The following SCD5 variants were observed in gnomAD, a reference collection of about 807,000 sequenced individuals.
SCD5 encodes acyl-CoA-desaturase 4.
SCD5 carries 20 observed loss-of-function variants against 30.4 expected under a neutral mutation model. The observed-to-expected ratio is 0.66, with a 90% CI of 0.46 to 0.96. The LOEUF is 0.96. Among genes scored for constraint, SCD5 ranks in the 40% least tolerant of loss-of-function variants. The pLI is 0.00. For missense variants in SCD5, 381 were observed against 443.3 expected (o/e 0.86, Z 1.26); for synonymous variants, 173 against 176.4 (o/e 0.98, Z 0.16).
intron 3 of SCD5, among the ~76,000 whole-genome samples, chr4:82,639,982 T>C (rs1013269439): frequency 3.3e-5 from 5 of 152,212 alleles, no homozygotes; most frequent in African/African-American, 7.2e-5. Context: ...TCTCTCTGAA[T>C]GCTTGCAGCA....
At chr4:82,733,349 C>T (rs1385346612) in intron 1 of SCD5, among the ~76,000 whole-genome samples, 2 of 152,182 alleles carry the variant, frequency 1.3e-5, no homozygotes, top group East Asian at 3.9e-4. Flanking sequence ...CAGTGGCCCA[C>T]AGCCTGCACT....
intron 3 of SCD5, among the ~76,000 whole-genome samples, chr4:82,665,509 C>A (rs1246904624): frequency 6.6e-6 from 1 of 151,840 alleles, no homozygotes; most frequent in East Asian, 1.9e-4. Flanking sequence ...TGATACAAAT[C>A]AAAAATTATG....
intron 3 of SCD5, among the ~76,000 whole-genome samples, chr4:82,661,386 C>T (rs766380024): frequency 6.6e-6 from 1 of 152,224 alleles, no homozygotes; most frequent in East Asian, 1.9e-4. Flanking sequence ...AATATTTCCA[C>T]TTCAACTGTC....
chr4:82,719,896 G>A (rs2148831872), intron 1 of SCD5, among the ~76,000 whole-genome samples: 1 of 151,526 alleles, frequency 6.6e-6, no homozygotes, highest in Admixed American at 6.6e-5. Context: ...CAGCCTCCTG[G>A]GTTTAAGCGA....
chr4:82,702,950 CT>C (rs1167683793), intron 2 of SCD5, among the ~76,000 whole-genome samples: 1 of 152,164 alleles, frequency 6.6e-6, no homozygotes, highest in Admixed American at 6.5e-5. Context: ...GAAACTGGCC[CT>C]AATCTGATCT....
intron 1 of SCD5, among the ~76,000 whole-genome samples, chr4:82,759,566 G>A (rs190807569): frequency 2.7e-5 from 4 of 150,894 alleles, no homozygotes; most frequent in Admixed American, 6.6e-5. Context: ...CTTAGTCCCA[G>A]CTGCTCAGGA....
chr4:82,682,291 G>A (rs1728593837), intron 2 of SCD5, among the ~76,000 whole-genome samples: 1 of 152,142 alleles, frequency 6.6e-6, no homozygotes, highest in African/African-American at 2.4e-5. Context: ...GGGTGTCAGG[G>A]GCTGAGCTAT....
chr4:82,711,978 T>C (rs991676194), intron 1 of SCD5, among the ~76,000 whole-genome samples: 1 of 151,810 alleles, frequency 6.6e-6, no homozygotes, highest in Non-Finnish European at 1.5e-5. Flanking sequence ...CATTTTCATG[T>C]GCCCTATAAT....
chr4:82,697,911 C>T (rs924976349), intron 2 of SCD5: 13 of 436,582 alleles, frequency 3.0e-5, no homozygotes, highest in African/African-American at 1.4e-4. Flanking sequence ...TGCTTAGAGA[C>T]GACCAAGCTA....
At chr4:82,635,338 G>A (rs945059738) in intron 4 of SCD5, among the ~76,000 whole-genome samples, 14 of 152,128 alleles carry the variant, frequency 9.2e-5, no homozygotes, top group African/African-American at 3.4e-4. Context: ...CAACATCACG[G>A]GCCGGGCACG....
At chr4:82,716,367 T>A (rs1720226601) in intron 1 of SCD5, among the ~76,000 whole-genome samples, 2 of 151,510 alleles carry the variant, frequency 1.3e-5, no homozygotes, top group South Asian at 2.1e-4. Flanking sequence ...AGTTCTCTTA[T>A]CTGTAAACAA....
chr4:82,723,204 T>C (rs1344921459), intron 1 of SCD5, among the ~76,000 whole-genome samples: 1 of 152,196 alleles, frequency 6.6e-6, no homozygotes, highest in Non-Finnish European at 1.5e-5. Flanking sequence ...ATATTGGTCC[T>C]GGCAATTTTT....
At position 82,650,668 on chromosome 4, in the gene SCD5, C is replaced by T. The variant is rs146948445; in HGVS notation, c.570-13845G>A. 2.7e-3 allele frequency among the ~76,000 whole-genome samples: 193 copies of T among 71,076 alleles called. 4 individuals are homozygous for T. In the East Asian group the frequency reaches 0.17, roughly 61 times the overall value. The allele number at this position is 71,076 out of a possible 152,430, so 46.6% of individuals were successfully genotyped here. A position where few individuals can be genotyped will look rare whatever the true frequency, so the allele number is the denominator to read the frequency against. ...CCATGAGTGTGCCACTGCACTCCAG[C>T]CTGGGTGACAGAGTGAGAACTTGTG... On this transcript the variant is annotated intron_variant, in intron 3 of 4. Coordinates refer to ENST00000319540, the MANE Select transcript of SCD5 (RefSeq NM_001037582.3).
In SCD5 at chr4:82,636,628, G is replaced by A; in HGVS notation, c.765C>T (p.Ser255=). The change falls in exon 4 of 5, where the codon AGC becomes AGT. Residue 255 remains serine (S), a synonymous_variant. Coordinates refer to ENST00000319540, the MANE Select transcript of SCD5 (RefSeq NM_001037582.3). ...GAGCGACGAGTGGGTTCTGCCGAGGGCTGATGTGCTTGTCATAGGGCCGGT... is the reference window on the plus strand; with the variant it reads ...GAGCGACGAGTGGGTTCTGCCGAGGACTGATGTGCTTGTCATAGGGCCGGT... ...YGNRPYDKHI[S]PRQNPLVALG... 1.2e-6 allele frequency: 2 copies of A among 1,614,166 alleles called. No individual in the cohort carries two copies. The highest frequency in any genetic ancestry group is 1.7e-6 in the Non-Finnish European group (2 of 1,180,040).
chr4:82,679,242 A>AGAGAGAG (rs1560531654), intron 3 of SCD5, among the ~76,000 whole-genome samples: 1 of 83,814 alleles, frequency 1.2e-5, no homozygotes, highest in Non-Finnish European at 2.4e-5. Context: ...GAAAGAAAGA[A>AGAGAGAG]AGAAAGAAAG....
intron 2 of SCD5, among the ~76,000 whole-genome samples, chr4:82,696,153 C>T (rs1719691002): frequency 1.3e-5 from 2 of 152,166 alleles, no homozygotes; most frequent in African/African-American, 4.8e-5. Flanking sequence ...TAATCAAATG[C>T]TTCTGCCTTC....
chr4:82,772,678 G>T (rs536901307), intron 1 of SCD5, among the ~76,000 whole-genome samples: 42 of 152,290 alleles, frequency 2.8e-4, no homozygotes, highest in Non-Finnish European at 5.6e-4. Context: ...AGGCAGAAAG[G>T]TTCCCCGTGA....
At chr4:82,750,259 C>T (rs529346168) in intron 1 of SCD5, among the ~76,000 whole-genome samples, 3 of 152,252 alleles carry the variant, frequency 2.0e-5, no homozygotes, top group African/African-American at 4.8e-5. Context: ...TGGTCTTCCA[C>T]ATTGATAACT....
intron 2 of SCD5, among the ~76,000 whole-genome samples, chr4:82,693,586 A>T (rs990045580): frequency 6.6e-6 from 1 of 152,202 alleles, no homozygotes; most frequent in African/African-American, 2.4e-5. Flanking sequence ...TCAGTGGCTT[A>T]GCACTATATT....
Sources: allele counts gnomAD v4.1 joint callset (sites outside exome capture counted in the v4.1 genomes callset), GRCh38; gene constraint gnomAD v4.1.1; transcripts MANE v1.5; gene names NCBI Gene and HGNC (gene_info 2026-07-23, HGNC 2026-07-21).